The following HDAC7 variants were observed in gnomAD, a reference collection of about 807,000 sequenced individuals.
HDAC7 encodes the protein histone deacetylase 7A.
In HDAC7, 26 loss-of-function variants were observed where a neutral mutation model predicts 115.5. The observed-to-expected ratio is 0.23, with a 90% CI of 0.16 to 0.31. The LOEUF is 0.31. HDAC7 is among the 10% of genes least tolerant of loss of function. The pLI is 1.00. For missense variants in HDAC7, 1,068 were observed against 1,329.0 expected, an observed-to-expected ratio of 0.80 and a Z score of 3.05; for synonymous variants, 564 against 550.9, an observed-to-expected ratio of 1.02 and a Z score of -0.33.
At chr12:47,800,770 T>C (rs1944128424) in intron 2 of HDAC7, among the ~76,000 whole-genome samples, 1 of 152,226 alleles carries the variant, frequency 6.6e-6, no homozygotes, top group Admixed American at 6.5e-5. Context: ...ACATACGGAC[T>C]GTGAGCAGAC....
chr12:47,811,415 C>A (rs1172912021), intron 1 of HDAC7, among the ~76,000 whole-genome samples: 1 of 152,080 alleles, frequency 6.6e-6, no homozygotes, highest in Non-Finnish European at 1.5e-5. Context: ...CAATTTCTGG[C>A]CAACTGGGAA....
intron 2 of HDAC7, among the ~76,000 whole-genome samples, chr12:47,801,735 TCC>T (rs754801666): frequency 1.3e-5 from 2 of 152,086 alleles, no homozygotes; most frequent in African/African-American, 2.4e-5. Context: ...GTCCAGTCCT[TCC>T]CCAGGGCAGC....
intron 24 of HDAC7, chr12:47,784,738 G>A: frequency 6.5e-7 from 1 of 1,535,530 alleles, no homozygotes; most frequent in Non-Finnish European, 8.7e-7. Context: ...CCAGGAGAAT[G>A]CTCCTCCTGC....
chr12:47,792,780 T>A (rs2544026), intron 13 of HDAC7: 83,895 of 426,378 alleles, frequency 0.2, 9,283 homozygotes, highest in Non-Finnish European at 0.24. Context: ...ATGAAATACA[T>A]TAATGAAATA....
chr12:47,819,742 C>CG, intron 1 of HDAC7, 25 bp downstream of exon 1: 20 of 768,704 alleles, frequency 2.6e-5, no homozygotes, highest in South Asian at 5.8e-5. Context: ...CAGGGCGGGG[C>CG]GGGGGGCGGC....
chr12:47,792,060 T>C (rs1943561369), intron 13 of HDAC7, 56 bp from the exon 14 acceptor site: 1 of 1,531,192 alleles, frequency 6.5e-7, no homozygotes, highest in Non-Finnish European at 8.8e-7. Flanking sequence ...CCCATGGCCT[T>C]GGCTGCAGAG....
At position 47,802,223 on chromosome 12, in the gene HDAC7, C is replaced by A. The variant is rs1211651540; in HGVS notation, c.70+1G>T. 2 of 1,613,544 alleles carry A rather than the reference C, an allele frequency of 1.2e-6. No homozygotes were observed. The highest frequency in any genetic ancestry group is 1.7e-6 in the Non-Finnish European group (2 of 1,179,810). ...TGGACTCCCCCGGGTTTGACTCTTACCTGCGCCAGTGGGGCTGCAGTAGTG... is the reference window on the plus strand; with the variant it reads ...TGGACTCCCCCGGGTTTGACTCTTAACTGCGCCAGTGGGGCTGCAGTAGTG... On this transcript the variant is annotated splice_donor_variant, in intron 2 of 25. Coordinates refer to ENST00000080059, the MANE Select transcript of HDAC7 (RefSeq NM_015401.5). LOFTEE classifies it high-confidence loss of function.
chr12:47,788,778 T>C (rs1943312306), intron 19 of HDAC7: 1 of 157,330 alleles, frequency 6.4e-6, no homozygotes, highest in African/African-American at 2.4e-5. Context: ...TGGGTTCAAA[T>C]CCATCTCATG....
Position 47,795,471 on chromosome 12 carries a change from G to C in HDAC7, c.1088-91C>G. The C allele has an allele frequency of 7.2e-7, 1 of 1,390,798 alleles. No homozygotes were observed. The highest frequency in any genetic ancestry group is 1.2e-5 in the South Asian group (1 of 80,576). 86.2% of individuals were successfully genotyped at this position (1,390,798 alleles called of 1,614,324 possible). A position where few individuals can be genotyped will look rare whatever the true frequency, so the allele number is the denominator to read the frequency against. On this transcript the variant is annotated intron_variant, in intron 10 of 25. Transcript: ENST00000080059. This position sits in a 1 kb window ranked among gnomAD's most constrained non-coding sequence, Gnocchi z 4.3. ...TAGGGTGGGGGGCCAGGGTGCAGCAGGGCAATGCGCAGGACAGGGGGACAG... is the reference window on the plus strand; with the variant it reads ...TAGGGTGGGGGGCCAGGGTGCAGCACGGCAATGCGCAGGACAGGGGGACAG...
chr12:47,790,596 A>C (rs1334204017), intron 16 of HDAC7: 1 of 156,184 alleles, frequency 6.4e-6, no homozygotes, highest in Non-Finnish European at 1.4e-5. Context: ...TGGCTCCCAA[A>C]GTCCCCCACC....
intron 2 of HDAC7, among the ~76,000 whole-genome samples, chr12:47,799,772 C>T (rs1172994578): frequency 6.6e-6 from 1 of 152,208 alleles, no homozygotes; most frequent in Non-Finnish European, 1.5e-5. Flanking sequence ...TAACTGGCCA[C>T]CAGACTAGGG....
At chr12:47,794,399 C>T (rs899860905) in intron 12 of HDAC7, among the ~76,000 whole-genome samples, 1 of 152,258 alleles carries the variant, frequency 6.6e-6, no homozygotes, top group African/African-American at 2.4e-5. Context: ...CTGCTGGACA[C>T]GCTGGAGCCT....
At chr12:47,790,920 G>GC (rs1943459027) in intron 16 of HDAC7, 2 of 418,152 alleles carry the variant, frequency 4.8e-6, no homozygotes, top group East Asian at 1.0e-4. Flanking sequence ...AGACAGAGCA[G>GC]CCTGGCGGCC....
At chr12:47,820,179 C>G (rs534588619), upstream of HDAC7, among the ~76,000 whole-genome samples, 1,457 of 151,524 alleles carry the variant, frequency 9.6e-3, 36 homozygotes, top group African/African-American at 0.033. The surrounding 1 kb of genome is among the most constrained non-coding windows in gnomAD (Gnocchi z 4.3). Context: ...GCTCCGAGCC[C>G]CAGCCGCCGC....
chr12:47,801,634 G>A (rs1390868111), intron 2 of HDAC7, among the ~76,000 whole-genome samples: 1 of 152,186 alleles, frequency 6.6e-6, no homozygotes, highest in African/African-American at 2.4e-5. Flanking sequence ...TAGGCCCTTG[G>A]TTGATACTGG....
intron 14 of HDAC7, 58 bp downstream of exon 14, chr12:47,791,813 T>A: frequency 8.0e-6 from 4 of 497,458 alleles, no homozygotes; most frequent in South Asian, 3.1e-5. Context: ...CCCCCACCCC[T>A]CCCCTCCCAT....
intron 2 of HDAC7, among the ~76,000 whole-genome samples, chr12:47,801,975 G>A (rs534393888): frequency 2.2e-4 from 34 of 152,258 alleles, no homozygotes; most frequent in African/African-American, 8.2e-4. Flanking sequence ...ACTGCTCCCA[G>A]CAAGGACAAG....
chr12:47,804,022 T>C (rs1944283607), intron 1 of HDAC7, among the ~76,000 whole-genome samples: 1 of 152,194 alleles, frequency 6.6e-6, no homozygotes, highest in Non-Finnish European at 1.5e-5. Context: ...GCAGCATTCA[T>C]GCTTGGGAGC....
At chr12:47,815,127 G>A (rs2137072552) in intron 1 of HDAC7, among the ~76,000 whole-genome samples, 1 of 152,312 alleles carries the variant, frequency 6.6e-6, no homozygotes, top group East Asian at 1.9e-4. Flanking sequence ...TCAGCAACAT[G>A]GTTCCCTGGT....
Sources: allele counts gnomAD v4.1 joint callset (sites outside exome capture counted in the v4.1 genomes callset), GRCh38; gene constraint gnomAD v4.1.1; non-coding constraint Gnocchi (gnomAD v3.1); transcripts MANE v1.5; gene names NCBI Gene and HGNC (gene_info 2026-07-23, HGNC 2026-07-21).